CCNH: variants seen among roughly 807,000 people sequenced by gnomAD.
The protein encoded by CCNH is cyclin-H.
A neutral mutation model predicts 41.9 loss-of-function variants in CCNH; 31 were observed. The ratio of observed to expected loss-of-function variants is 0.74; its 90% CI spans 0.56 to 1.00. The LOEUF is 1.00. Ranked by LOEUF, CCNH falls within the 50% of genes least tolerant of loss-of-function variation. The pLI is 0.00. For synonymous variants in CCNH, 138 were observed against 136.1 expected, an observed-to-expected ratio of 1.01 and a Z score of -0.10; for missense variants, 362 against 388.4, an observed-to-expected ratio of 0.93 and a Z score of 0.57.
At chr5:87,392,313 C>T, downstream of CCNH, 1 of 455,938 alleles carries the variant, frequency 2.2e-6, no homozygotes, top group South Asian at 1.5e-5. Flanking sequence ...TTAGTAGTTC[C>T]AAGCTACAAA....
At chr5:87,322,505 T>C (rs560081790) in intron 9 of CCNH, among the ~76,000 whole-genome samples, 18 of 152,150 alleles carry the variant, frequency 1.2e-4, no homozygotes, top group African/African-American at 3.4e-4. Context: ...GTGCCGGAGG[T>C]TGGGGACTAC....
At chr5:87,388,001 A>T (rs1369500491), downstream of CCNH, among the ~76,000 whole-genome samples, 2 of 152,164 alleles carry the variant, frequency 1.3e-5, no homozygotes, top group Non-Finnish European at 2.9e-5. Context: ...TAATAAGCCA[A>T]ATTTATTTTT....
downstream of CCNH, among the ~76,000 whole-genome samples, chr5:87,387,630 A>C (rs529325252): frequency 1.3e-5 from 2 of 152,262 alleles, no homozygotes; most frequent in South Asian, 4.1e-4. Flanking sequence ...AGGATTGGAG[A>C]TTGAGGTGTC....
intron 9 of CCNH, among the ~76,000 whole-genome samples, chr5:87,356,681 T>C (rs1561306156): frequency 6.6e-6 from 1 of 152,192 alleles, no homozygotes. Flanking sequence ...CCCAACAGTT[T>C]TTAGTAATAA....
At chr5:87,318,409 A>G (rs551786645), downstream of CCNH, 1 of 152,336 alleles carries the variant, frequency 6.6e-6, no homozygotes, top group African/African-American at 2.4e-5. Context: ...ACTACCTGAG[A>G]CTGGGTAGTT....
chr5:87,350,059 AG>A (rs1759146454), intron 9 of CCNH, among the ~76,000 whole-genome samples: 1 of 151,880 alleles, frequency 6.6e-6, no homozygotes, highest in Non-Finnish European at 1.5e-5. Flanking sequence ...ATATTTGCCT[AG>A]TTTAACCCCT....
the CCNH span, among the ~76,000 whole-genome samples, chr5:87,312,565 C>T: frequency 1.3e-5 from 2 of 152,214 alleles, no homozygotes; most frequent in South Asian, 2.1e-4. Context: ...AACATCTGAA[C>T]GGGCCTAGAG....
chr5:87,347,470 C>G (rs930143859), intron 9 of CCNH, among the ~76,000 whole-genome samples: 2 of 151,946 alleles, frequency 1.3e-5, no homozygotes, highest in African/African-American at 4.8e-5. Flanking sequence ...AGATTTCAGA[C>G]AAGTTTAAGC....
chr5:87,385,229 C>T (rs958644224), intron 9 of CCNH: 5 of 972,856 alleles, frequency 5.1e-6, no homozygotes, highest in African/African-American at 1.6e-5. Context: ...TATTAAAGTG[C>T]TAAATTTATA....
intron 9 of CCNH, chr5:87,385,540 G>C (rs959005717): frequency 1.5e-6 from 1 of 681,340 alleles, no homozygotes; most frequent in Non-Finnish European, 2.5e-6. Flanking sequence ...AAAGTAGCTT[G>C]TTTAAATTTT....
chr5:87,341,444 CT>C, intron 9 of CCNH: 1 of 485,938 alleles, frequency 2.1e-6, no homozygotes, highest in Non-Finnish European at 3.3e-6. Flanking sequence ...TTAAATTTGG[CT>C]TAGGGAACTG....
At chr5:87,337,822 C>A in intron 9 of CCNH, 1 of 764,292 alleles carries the variant, frequency 1.3e-6, no homozygotes, top group Non-Finnish European at 1.9e-6. Flanking sequence ...GTGGATAATG[C>A]CAGAAATAGG....
chr5:87,404,756 GAAT>G, intron 5 of CCNH, 85 bp downstream of exon 5: 1 of 1,052,318 alleles, frequency 9.5e-7, no homozygotes. Context: ...CAGCCACAAA[GAAT>G]ATTAAAGATT....
At chr5:87,369,768 T>C in intron 9 of CCNH, 2 of 1,371,232 alleles carry the variant, frequency 1.5e-6, no homozygotes, top group Non-Finnish European at 1.0e-6. Flanking sequence ...AATATTTTGC[T>C]ACTTTTTATT....
At chr5:87,316,152 A>G (rs937982765), downstream of CCNH, among the ~76,000 whole-genome samples, 8 of 152,224 alleles carry the variant, frequency 5.3e-5, no homozygotes, top group Admixed American at 3.3e-4. Flanking sequence ...AGCAAATTAC[A>G]AGTATAAATT....
chr5:87,363,569 C>G lies in CCNH; in HGVS notation c.*90+29201G>C, dbSNP rs912951764. 12 of 1,541,776 alleles carry G rather than the reference C, an allele frequency of 7.8e-6. No individual in the cohort carries two copies. The African/African-American group carries it at 1.6e-4, about 21-fold the overall frequency. ...TAATAATAAAATAGTACAAACAAAG[C>G]AAACCAATTTTGAGAGCCCTAAAAT... On this transcript the variant is annotated intron_variant and NMD_transcript_variant, in intron 9 of 9. Transcript: ENST00000645953.
chr5:87,330,680 A>G (rs969822170), intron 9 of CCNH, among the ~76,000 whole-genome samples: 11 of 152,180 alleles, frequency 7.2e-5, no homozygotes, highest in African/African-American at 2.7e-4. Flanking sequence ...TAGGTAGAAC[A>G]CAGTTAAACT....
At chr5:87,399,859 C>T (rs1763265572) in intron 6 of CCNH, among the ~76,000 whole-genome samples, 1 of 152,144 alleles carries the variant, frequency 6.6e-6, no homozygotes, top group South Asian at 2.1e-4. Flanking sequence ...TGTTCTCTAT[C>T]ACCAACCATC....
chr5:87,327,969 A>C (rs111793344), intron 9 of CCNH, among the ~76,000 whole-genome samples: 40 of 132,664 alleles, frequency 3.0e-4, no homozygotes, highest in African/African-American at 4.6e-4. Context: ...TCCGTTTCCC[A>C]AAAAAAAAAA....
Sources: gnomAD v4.1 joint callset for allele counts (sites outside exome capture counted in the v4.1 genomes callset) on GRCh38, gnomAD v4.1.1 for gene constraint, MANE v1.5 for transcripts, NCBI Gene and HGNC (gene_info 2026-07-23, HGNC 2026-07-21) for gene names.